Variants in CTNNA2 observed in about 807,000 individuals in gnomAD.
CTNNA2 encodes the protein catenin alpha 2, also known as catenin alpha-2.
A neutral mutation model predicts 101.0 loss-of-function variants in CTNNA2; 42 were observed. The ratio of observed to expected loss-of-function variants is 0.42; its 90% confidence interval spans 0.32 to 0.54. The LOEUF is 0.54. Among genes scored for constraint, CTNNA2 ranks in the 20% least tolerant of loss-of-function variants. The pLI is 0.14. For synonymous variants in CTNNA2, 450 were observed against 456.4 expected, an observed-to-expected ratio of 0.99 and a Z score of 0.18; for missense variants, 871 against 1,223.1, an observed-to-expected ratio of 0.71 and a Z score of 4.29.
intron 18 of CTNNA2, among the ~76,000 whole-genome samples, chr2:80,641,056 A>C (rs974435815): frequency 6.6e-6 from 1 of 152,200 alleles, no homozygotes; most frequent in African/African-American, 2.4e-5. Flanking sequence ...ATATTTAGGG[A>C]AATATTTTAG....
chr2:80,620,171 C>T (rs550198722), intron 18 of CTNNA2, among the ~76,000 whole-genome samples: 1 of 151,638 alleles, frequency 6.6e-6, no homozygotes, highest in African/African-American at 2.4e-5. Context: ...AATGTGAAAC[C>T]CTGTTTTTTT....
chr2:79,992,679 G>A (rs773453487), intron 7 of CTNNA2, among the ~76,000 whole-genome samples: 39 of 152,126 alleles, frequency 2.6e-4, no homozygotes, highest in African/African-American at 8.4e-4. Flanking sequence ...TGCTTTATTT[G>A]TATAAATGTA....
At chr2:80,298,585 TG>T (rs1268008956) in intron 7 of CTNNA2, 3 of 152,186 alleles carry the variant, frequency 2.0e-5, no homozygotes, top group African/African-American at 7.2e-5. Context: ...TTGGAAAACT[TG>T]GGAGGAATAA....
intron 2 of CTNNA2, among the ~76,000 whole-genome samples, chr2:79,736,687 T>C (rs1421245110): frequency 6.6e-6 from 1 of 152,194 alleles, no homozygotes; most frequent in Non-Finnish European, 1.5e-5. Context: ...TTAATTCTTT[T>C]AGGTTGTGGC....
At chr2:79,391,045 G>T (rs1372230516) in intron 4 of CTNNA2, among the ~76,000 whole-genome samples, 1 of 152,162 alleles carries the variant, frequency 6.6e-6, no homozygotes, top group Non-Finnish European at 1.5e-5. Context: ...AGGAGGTTCT[G>T]ATCCCCACTT....
intron 9 of CTNNA2, among the ~76,000 whole-genome samples, chr2:80,517,003 C>T (rs1573102257): frequency 1.3e-5 from 2 of 152,228 alleles, no homozygotes; most frequent in Admixed American, 1.3e-4. Flanking sequence ...CTTTCTCTCA[C>T]CCCACCCCTC....
At chr2:79,609,341 T>A (rs1294958999) in intron 1 of CTNNA2, among the ~76,000 whole-genome samples, 1 of 152,050 alleles carries the variant, frequency 6.6e-6, no homozygotes, top group Non-Finnish European at 1.5e-5. Context: ...ATAAGTATAT[T>A]CATCTTATGG....
chr2:79,770,210 G>C (rs776578492), intron 3 of CTNNA2, among the ~76,000 whole-genome samples: 2 of 152,132 alleles, frequency 1.3e-5, no homozygotes, highest in Non-Finnish European at 2.9e-5. Context: ...TAGCCTAAAA[G>C]GTCAATAATG....
chr2:79,944,676 T>C (rs559725581), intron 7 of CTNNA2, among the ~76,000 whole-genome samples: 1 of 152,292 alleles, frequency 6.6e-6, no homozygotes, highest in South Asian at 2.1e-4. Flanking sequence ...GAGTACATCT[T>C]TGAAATATAC....
At chr2:79,690,541 A>G (rs995121657) in intron 2 of CTNNA2, among the ~76,000 whole-genome samples, 2 of 151,898 alleles carry the variant, frequency 1.3e-5, no homozygotes, top group Non-Finnish European at 2.9e-5. Context: ...TCTATCGTTG[A>G]TGGGCTTTTG....
intron 7 of CTNNA2, among the ~76,000 whole-genome samples, chr2:80,342,953 T>G (rs114626061): frequency 0.011 from 1,623 of 152,304 alleles, 25 homozygotes; most frequent in African/African-American, 0.036. Context: ...TAGCTTCTGG[T>G]AGCCTCAAAT....
intron 1 of CTNNA2, among the ~76,000 whole-genome samples, chr2:79,537,158 A>G (rs563834370): frequency 6.6e-6 from 1 of 152,242 alleles, no homozygotes; most frequent in African/African-American, 2.4e-5. Flanking sequence ...TCTGTTGGTG[A>G]GTTGAAAAAA....
At position 80,084,889 on chromosome 2, in the gene CTNNA2, A is replaced by G. The variant is rs77724885; in HGVS notation, c.1056+175092A>G. Among the ~76,000 whole-genome samples, 422 of 152,210 alleles carry G rather than the reference A, an allele frequency of 2.8e-3. 3 individuals carry two copies. The highest frequency in any genetic ancestry group is 9.6e-3 in the African/African-American group (397 of 41,552). ...TGTGAAGGCTAGTTTGGCTCCCAAG[A>G]CATAGCACTGAACTATGACGAACAA... is the stretch of plus-strand genomic sequence containing the variant. On this transcript the variant is annotated intron_variant, in intron 7 of 18. Transcript: ENST00000402739.
At chr2:79,289,353 A>T (rs1009881335) in intron 2 of CTNNA2, among the ~76,000 whole-genome samples, 1 of 152,212 alleles carries the variant, frequency 6.6e-6, no homozygotes. Flanking sequence ...AGATTTAATG[A>T]TGAAGACAAC....
At chr2:80,553,327 G>A (rs1187073810) in intron 11 of CTNNA2, among the ~76,000 whole-genome samples, 2 of 152,064 alleles carry the variant, frequency 1.3e-5, no homozygotes, top group Non-Finnish European at 2.9e-5. Flanking sequence ...CAGATTTGCT[G>A]ATGATTTGAG....
chr2:80,084,695 AG>A (rs1317829427), intron 7 of CTNNA2, among the ~76,000 whole-genome samples: 1 of 152,136 alleles, frequency 6.6e-6, no homozygotes, highest in Non-Finnish European at 1.5e-5. Flanking sequence ...TTAACTACTT[AG>A]GGAATTTTCT....
chr2:79,617,167 G>T (rs1237238569), intron 1 of CTNNA2, among the ~76,000 whole-genome samples: 1 of 152,110 alleles, frequency 6.6e-6, no homozygotes, highest in Non-Finnish European at 1.5e-5. Context: ...CTCCCAAAGT[G>T]CTGGGATTAC....
chr2:79,368,490 C>T (rs919518298), intron 3 of CTNNA2, among the ~76,000 whole-genome samples: 9 of 152,198 alleles, frequency 5.9e-5, no homozygotes, highest in Non-Finnish European at 8.8e-5. Flanking sequence ...CATAGCTGGA[C>T]GTTGTGCGGA....
Position 80,026,987 on chromosome 2 carries a change from A to T in CTNNA2, c.1056+117190A>T, listed in dbSNP as rs189902156. Among the ~76,000 whole-genome samples the T allele has an allele frequency of 5.0e-3, 758 of 152,298 alleles. 3 individuals are homozygous for T. The highest frequency in any genetic ancestry group is 8.3e-3 in the Non-Finnish European group (563 of 68,032). On this transcript the variant is annotated intron_variant, in intron 7 of 18. Coordinates refer to ENST00000402739, the MANE Select transcript of CTNNA2 (RefSeq NM_001282597.3). ...CAGTCAGCATTTACATTGTGCTGTGAGGTGGGAGTAGGGCTAGGGAGAGCT... is the reference window on the plus strand; with the variant it reads ...CAGTCAGCATTTACATTGTGCTGTGTGGTGGGAGTAGGGCTAGGGAGAGCT...
Sources: gnomAD v4.1 joint callset for allele counts (sites outside exome capture counted in the v4.1 genomes callset) on GRCh38, gnomAD v4.1.1 for gene constraint, MANE v1.5 for transcripts, NCBI Gene and HGNC (gene_info 2026-07-23, HGNC 2026-07-21) for gene names.